Variants in LAPTM4B observed in about 807,000 individuals in gnomAD.
The protein encoded by LAPTM4B is lysosomal protein transmembrane 4 beta, also known as lysosomal-associated transmembrane protein 4B.
Under a neutral mutation model 28.5 loss-of-function variants are expected in LAPTM4B, and 26 were observed. The ratio of observed to expected loss-of-function variants is 0.91; its 90% CI spans 0.67 to 1.27. The LOEUF is 1.27. LAPTM4B is among the 50% of genes most tolerant of loss of function. The pLI is 0.00. For missense variants in LAPTM4B, 288 were observed against 285.8 expected, an observed-to-expected ratio of 1.01 and a Z score of -0.06; for synonymous variants, 109 against 106.4, an observed-to-expected ratio of 1.02 and a Z score of -0.15.
At chr8:97,804,726 A>G (rs1816735022) in intron 1 of LAPTM4B, among the ~76,000 whole-genome samples, 1 of 152,198 alleles carries the variant, frequency 6.6e-6, no homozygotes, top group African/African-American at 2.4e-5. Context: ...GATGTTAAAG[A>G]AGGTGATTGT....
intron 6 of LAPTM4B, among the ~76,000 whole-genome samples, chr8:97,847,969 A>G (rs539336215): frequency 6.6e-6 from 1 of 152,336 alleles, no homozygotes; most frequent in Admixed American, 6.5e-5. Flanking sequence ...GACTATCAAG[A>G]TATTAAAGTA....
chr8:97,829,693 C>A (rs573547871), intron 6 of LAPTM4B, among the ~76,000 whole-genome samples: 98 of 147,008 alleles, frequency 6.7e-4, no homozygotes, highest in African/African-American at 2.2e-3. Flanking sequence ...TCTTTTCTTT[C>A]TTCTTTTTTT....
intron 2 of LAPTM4B, among the ~76,000 whole-genome samples, chr8:97,806,670 C>T (rs1273779138): frequency 1.3e-5 from 2 of 152,302 alleles, no homozygotes; most frequent in East Asian, 3.9e-4. Flanking sequence ...GTGGGAGCTG[C>T]TCTTTCCCTT....
chr8:97,815,593 G>T (rs1816899345), intron 3 of LAPTM4B, among the ~76,000 whole-genome samples, 192 bp downstream of exon 3: 1 of 151,960 alleles, frequency 6.6e-6, no homozygotes, highest in African/African-American at 2.4e-5. Flanking sequence ...GGAAGACGGG[G>T]TCTCACTCTG....
chr8:97,836,076 C>A (rs1257675616), intron 6 of LAPTM4B, among the ~76,000 whole-genome samples: 1 of 152,110 alleles, frequency 6.6e-6, no homozygotes, highest in East Asian at 1.9e-4. Context: ...CACACAGCCC[C>A]CTCACCCCCT....
intron 6 of LAPTM4B, among the ~76,000 whole-genome samples, chr8:97,831,177 A>G (rs1481421084): frequency 6.6e-6 from 1 of 152,130 alleles, no homozygotes; most frequent in African/African-American, 2.4e-5. Flanking sequence ...GGCTTGGGAA[A>G]CTGCTTGGGT....
chr8:97,819,071 A>G, intron 4 of LAPTM4B, 69 bp from the exon 5 acceptor site: 1 of 922,234 alleles, frequency 1.1e-6, no homozygotes, highest in South Asian at 1.4e-5. Flanking sequence ...GCATGTCTGA[A>G]TTGGTGCCCA....
At chr8:97,850,909 CAT>C (rs1328145108) in intron 6 of LAPTM4B, among the ~76,000 whole-genome samples, 1 of 151,120 alleles carries the variant, frequency 6.6e-6, no homozygotes, top group African/African-American at 2.5e-5. Context: ...ATCCTTATTT[CAT>C]AGACATGGAA....
intron 6 of LAPTM4B, among the ~76,000 whole-genome samples, chr8:97,837,973 CCAAAA>C (rs1817287131): frequency 6.6e-6 from 1 of 151,874 alleles, no homozygotes; most frequent in Non-Finnish European, 1.5e-5. Context: ...TTTTAAAAGC[CCAAAA>C]CAAAAGTGAC....
intron 1 of LAPTM4B, among the ~76,000 whole-genome samples, chr8:97,784,432 G>GT (rs1471654592): frequency 1.3e-5 from 2 of 151,978 alleles, no homozygotes; most frequent in Non-Finnish European, 2.9e-5. Context: ...TTTTTTGGTT[G>GT]TTGTTTTTGT....
At chr8:97,779,479 T>C (rs1816275472) in intron 1 of LAPTM4B, among the ~76,000 whole-genome samples, 1 of 148,698 alleles carries the variant, frequency 6.7e-6, no homozygotes, top group Non-Finnish European at 1.5e-5. Context: ...TGAGACTCTG[T>C]CTCAAAAAAA....
chr8:97,777,137 G>GT (rs1176218610), intron 1 of LAPTM4B, among the ~76,000 whole-genome samples: 4,801 of 83,708 alleles, frequency 0.057, 878 homozygotes, highest in Non-Finnish European at 0.069. Flanking sequence ...TTTCAGTGAG[G>GT]TTTTTTTTTT....
intron 6 of LAPTM4B, among the ~76,000 whole-genome samples, chr8:97,825,675 A>T (rs1817080945): frequency 1.3e-5 from 2 of 152,210 alleles, no homozygotes; most frequent in Non-Finnish European, 2.9e-5. Context: ...AAAATTGCAA[A>T]CCTGTCATAA....
chr8:97,777,580 A>G (rs775650642), intron 1 of LAPTM4B, among the ~76,000 whole-genome samples: 1 of 152,086 alleles, frequency 6.6e-6, no homozygotes, highest in Non-Finnish European at 1.5e-5. Flanking sequence ...TAAGCAAAAC[A>G]TTTCACCCCA....
intron 5 of LAPTM4B, 57 bp downstream of exon 5, chr8:97,819,295 A>C: frequency 9.6e-7 from 1 of 1,045,946 alleles, no homozygotes; most frequent in South Asian, 1.4e-5. Context: ...CCTGAATACC[A>C]AATAAGTAAA....
At chr8:97,779,753 TAA>T (rs750177675) in intron 1 of LAPTM4B, among the ~76,000 whole-genome samples, 30 of 115,218 alleles carry the variant, frequency 2.6e-4, no homozygotes, top group Admixed American at 3.7e-4. Flanking sequence ...GACTCTTATC[TAA>T]AAAAAAAAAA....
rs532557637 is a variant in LAPTM4B at position 97,835,551 on chromosome 8, CTG to C, written c.603+10401_603+10402del. Among the ~76,000 whole-genome samples the C allele has an allele frequency of 5.8e-3, 884 of 152,298 alleles. 10 individuals carry two copies. The highest frequency in any genetic ancestry group is 0.02 in the African/African-American group (850 of 41,558). ...TAGGCCATTGAGATAAGTAACATAA[CTG>C]TGGATTTTATTGAGTAGTCATGTCC... On this transcript the variant is annotated intron_variant, in intron 6 of 6. Coordinates refer to ENST00000521545, the MANE Select transcript of LAPTM4B (RefSeq NM_018407.6).
rs752219747 is a variant in LAPTM4B, at chr8:97,775,975, C to G, written c.-35C>G. On this transcript the variant is annotated 5_prime_UTR_variant, in exon 1 of 7. Coordinates refer to ENST00000521545, the MANE Select transcript of LAPTM4B (RefSeq NM_018407.6). ...GCGAGGCGGTCGACGCTCCTGAAAA[C>G]TTGCGCGCGCGCTCGCGCCACTGCG... 3 of 1,544,090 alleles carry G rather than the reference C, an allele frequency of 1.9e-6. No individual in the cohort carries two copies. Among genetic ancestry groups the G allele is most frequent in the Non-Finnish European group, 2.6e-6 (3 of 1,153,244 alleles).
chr8:97,806,769 C>T (rs1816760191), intron 2 of LAPTM4B, among the ~76,000 whole-genome samples: 1 of 152,088 alleles, frequency 6.6e-6, no homozygotes. Context: ...CCAGCCTGGC[C>T]AAGGTGACAA....
Sources: gnomAD v4.1 joint callset for allele counts (sites outside exome capture counted in the v4.1 genomes callset) on GRCh38, gnomAD v4.1.1 for gene constraint, MANE v1.5 for transcripts, NCBI Gene and HGNC (gene_info 2026-07-23, HGNC 2026-07-21) for gene names.